Variants in EXOC4 observed in about 807,000 individuals in gnomAD.
EXOC4 encodes SEC8-like 1.
Under a neutral mutation model 107.2 loss-of-function variants are expected in EXOC4, and 71 were observed. The observed-to-expected ratio is 0.66, with a 90% CI of 0.55 to 0.81. The LOEUF is 0.81. Among genes scored for constraint, EXOC4 ranks in the 30% least tolerant of loss-of-function variants. EXOC4 has a pLI of 0.00. For synonymous variants in EXOC4, 456 were observed against 441.2 expected (o/e 1.03, Z -0.42); for missense variants, 1,108 against 1,189.6 (o/e 0.93, Z 1.01).
intron 9 of EXOC4, among the ~76,000 whole-genome samples, chr7:133,487,952 C>A (rs1249467917): frequency 1.3e-5 from 2 of 151,956 alleles, no homozygotes; most frequent in African/African-American, 2.4e-5. Context: ...TATATAATAC[C>A]ACTCATTATG....
intron 7 of EXOC4, among the ~76,000 whole-genome samples, chr7:133,452,605 A>T (rs1399661231): frequency 2.0e-5 from 3 of 149,512 alleles, no homozygotes; most frequent in Non-Finnish European, 3.0e-5. Flanking sequence ...GCTAATGCTC[A>T]TCCATTCTAG....
At chr7:133,906,372 G>A (rs1585238700) in intron 12 of EXOC4, among the ~76,000 whole-genome samples, 2 of 152,186 alleles carry the variant, frequency 1.3e-5, no homozygotes, top group East Asian at 3.9e-4. Context: ...TTGCTGGGAA[G>A]GTGACTGCAT....
Position 133,937,964 on chromosome 7 carries a change from C to T in EXOC4, c.2101C>T (p.Leu701Phe). 6.2e-7 allele frequency: 1 copy of T among 1,614,156 alleles called. No homozygotes were observed. The change falls in exon 14 of 18, where the codon CTT becomes TTT. Residue 701 changes from leucine to phenylalanine, a missense_variant. Coordinates refer to ENST00000253861, the MANE Select transcript of EXOC4 (RefSeq NM_021807.4). ...GDKLIPPQDI[L>F]RDVSDLKALA... is the part of the protein sequence containing the mutation. The stretch of plus-strand genomic sequence containing the variant: ...TAAATTAATCCCTCCACAAGACATC[C>T]TTCGTGACGTCAGTGACCTCAAAGC...
At chr7:133,662,642 C>G (rs1344849820) in intron 10 of EXOC4, among the ~76,000 whole-genome samples, 1 of 151,712 alleles carries the variant, frequency 6.6e-6, no homozygotes, top group Non-Finnish European at 1.5e-5. Context: ...AACAAAATAG[C>G]GCATGTGACA....
intron 17 of EXOC4, among the ~76,000 whole-genome samples, chr7:134,016,122 A>G (rs1432965651): frequency 6.6e-6 from 1 of 152,116 alleles, no homozygotes; most frequent in Non-Finnish European, 1.5e-5. Context: ...AGAGAGGAGT[A>G]GGTCTGATGG....
chr7:133,589,800 C>A (rs1019254408), intron 9 of EXOC4, among the ~76,000 whole-genome samples: 10 of 152,148 alleles, frequency 6.6e-5, no homozygotes, highest in Non-Finnish European at 1.2e-4. Context: ...TGTCTTTTCC[C>A]TTCTGAAAAC....
At chr7:133,360,745 G>A (rs923469997) in intron 6 of EXOC4, among the ~76,000 whole-genome samples, 1 of 152,058 alleles carries the variant, frequency 6.6e-6, no homozygotes, top group Non-Finnish European at 1.5e-5. Flanking sequence ...TGCACCTCAA[G>A]TTATAGTGAA....
intron 10 of EXOC4, among the ~76,000 whole-genome samples, chr7:133,812,448 G>A (rs1797255915): frequency 6.6e-6 from 1 of 152,088 alleles, no homozygotes; most frequent in Non-Finnish European, 1.5e-5. Context: ...TACTGTAAGT[G>A]TTCCTCTCTT....
intron 11 of EXOC4, among the ~76,000 whole-genome samples, chr7:133,836,438 A>G (rs1797920349): frequency 6.6e-6 from 1 of 152,144 alleles, no homozygotes; most frequent in African/African-American, 2.4e-5. Context: ...CTACCTGTTA[A>G]CCTTTCATGT....
intron 7 of EXOC4, among the ~76,000 whole-genome samples, chr7:133,438,034 C>T (rs529547109): frequency 6.1e-4 from 93 of 152,164 alleles, no homozygotes; most frequent in Non-Finnish European, 1.0e-3. Flanking sequence ...TAATTTGCTA[C>T]CTCTGACTCT....
intron 7 of EXOC4, among the ~76,000 whole-genome samples, chr7:133,448,086 CTG>C (rs1049485974): frequency 6.6e-6 from 1 of 152,110 alleles, no homozygotes; most frequent in African/African-American, 2.4e-5. Flanking sequence ...AATATTGTGA[CTG>C]TGGGTTAAAA....
intron 5 of EXOC4, among the ~76,000 whole-genome samples, chr7:133,325,643 A>C (rs945286392): frequency 2.6e-5 from 4 of 151,712 alleles, no homozygotes; most frequent in Admixed American, 2.0e-4. Context: ...TGCCCTTAAT[A>C]TTTTTTCCCT....
intron 10 of EXOC4, among the ~76,000 whole-genome samples, chr7:133,631,755 A>AT (rs1442189897): frequency 1.3e-5 from 2 of 151,712 alleles, no homozygotes; most frequent in African/African-American, 4.8e-5. Context: ...ATTAAATAAC[A>AT]TTGATTATTT....
intron 10 of EXOC4, among the ~76,000 whole-genome samples, chr7:133,755,740 G>A (rs1795903761): frequency 6.6e-6 from 1 of 152,140 alleles, no homozygotes; most frequent in South Asian, 2.1e-4. Flanking sequence ...CATAGGTATA[G>A]TACATGTCTC....
chr7:133,399,824 G>C (rs1350367990), intron 7 of EXOC4, among the ~76,000 whole-genome samples: 1 of 152,212 alleles, frequency 6.6e-6, no homozygotes, highest in Non-Finnish European at 1.5e-5. Context: ...TGTGTCCCAA[G>C]CAGGGAAGAT....
At chr7:133,529,546 G>T (rs1469544654) in intron 9 of EXOC4, among the ~76,000 whole-genome samples, 2 of 152,132 alleles carry the variant, frequency 1.3e-5, no homozygotes, top group African/African-American at 2.4e-5. Context: ...ATCTCATTTT[G>T]TAGATGGGGC....
intron 4 of EXOC4, among the ~76,000 whole-genome samples, chr7:133,307,516 T>C (rs1794780053): frequency 6.6e-6 from 1 of 152,184 alleles, no homozygotes; most frequent in African/African-American, 2.4e-5. Context: ...ATTTGAGGTC[T>C]CAGAGGAAGA....
At chr7:133,341,085 T>C (rs1161927619) in intron 5 of EXOC4, among the ~76,000 whole-genome samples, 1 of 152,200 alleles carries the variant, frequency 6.6e-6, no homozygotes. Flanking sequence ...TGGGTTTGGT[T>C]TGTTCTTGAT....
At chr7:134,063,563 G>T (rs922427804) in intron 17 of EXOC4, among the ~76,000 whole-genome samples, 1 of 152,078 alleles carries the variant, frequency 6.6e-6, no homozygotes, top group African/African-American at 2.4e-5. Flanking sequence ...TGGAGTGAGG[G>T]GTAAGTGGCA....
Sources: allele counts gnomAD v4.1 joint callset (sites outside exome capture counted in the v4.1 genomes callset), GRCh38; gene constraint gnomAD v4.1.1; transcripts MANE v1.5; gene names NCBI Gene and HGNC (gene_info 2026-07-23, HGNC 2026-07-21).